SMCO4: variants seen among roughly 807,000 people sequenced by gnomAD.
SMCO4 encodes single-pass membrane and coiled-coil domain-containing protein 4.
A neutral mutation model predicts 3.6 loss-of-function variants in SMCO4; 4 were observed. That is an observed-to-expected ratio of 1.11 (90% confidence interval 0.54 to 2.53). The LOEUF is 2.53. SMCO4 is among the 30% of genes most tolerant of loss of function. SMCO4 has a pLI of 0.02. For missense variants in SMCO4, 70 were observed against 80.8 expected (o/e 0.87, Z 0.51); for synonymous variants, 36 against 35.3 (o/e 1.02, Z -0.07).
At chr11:93,517,234 C>T (rs950461323) in intron 1 of SMCO4, among the ~76,000 whole-genome samples, 1 of 152,168 alleles carries the variant, frequency 6.6e-6, no homozygotes, top group African/African-American at 2.4e-5. Flanking sequence ...AATGAGACCA[C>T]CCAAGCATGA....
Position 93,478,855 on chromosome 11 carries a change from G to A in SMCO4, c.*155C>T, listed in dbSNP as rs1565369833. ...CCCTATTCCCTCCCAAGAAAGCGGAGATACTTTAATCAAGTCAAAGACCAG... is the reference window on the plus strand; with the variant it reads ...CCCTATTCCCTCCCAAGAAAGCGGAAATACTTTAATCAAGTCAAAGACCAG... On this transcript the variant is annotated 3_prime_UTR_variant, in exon 3 of 3. Coordinates refer to ENST00000298966, the MANE Select transcript of SMCO4 (RefSeq NM_020179.3). The A allele has an allele frequency of 7.0e-7, 1 of 1,425,276 alleles. No homozygotes were observed. The highest frequency in any genetic ancestry group is 9.2e-7 in the Non-Finnish European group (1 of 1,092,240). The allele number at this position is 1,425,276 out of a possible 1,614,324, so 88.3% of individuals were successfully genotyped here.
chr11:93,516,099 G>A (rs920795438), intron 1 of SMCO4, among the ~76,000 whole-genome samples: 2 of 151,996 alleles, frequency 1.3e-5, no homozygotes, highest in African/African-American at 2.4e-5. Flanking sequence ...GAGGCATTCC[G>A]GTTCTCATAA....
intron 1 of SMCO4, among the ~76,000 whole-genome samples, chr11:93,535,160 G>T (rs1203066363): frequency 1.3e-5 from 2 of 152,126 alleles, no homozygotes; most frequent in Non-Finnish European, 2.9e-5. Flanking sequence ...AAGGTTTGGA[G>T]AAATACTCTG....
At chr11:93,493,490 C>T (rs1180411887) in intron 2 of SMCO4, among the ~76,000 whole-genome samples, 2 of 152,284 alleles carry the variant, frequency 1.3e-5, no homozygotes, top group South Asian at 2.1e-4. Flanking sequence ...AGACACTGCA[C>T]GCATACCCAT....
intron 1 of SMCO4, among the ~76,000 whole-genome samples, chr11:93,525,057 C>T (rs2134625044): frequency 6.6e-6 from 1 of 152,268 alleles, no homozygotes; most frequent in East Asian, 1.9e-4. Flanking sequence ...CACAATGGGC[C>T]AAGGAGCCAC....
In SMCO4 at chr11:93,479,055, G is replaced by A. The variant is rs972412916; in HGVS notation, c.135C>T (p.Ile45=). The change falls in exon 3 of 3, where the codon ATC becomes ATT. Residue 45 remains isoleucine (I), a synonymous_variant. Transcript: ENST00000298966. The part of the protein sequence containing the change: ...LPTLAVVVLL[I]VVFVYVATRP... ...GCGTGGCCACGTACACAAACACCAC[G>A]ATCAAGAGCACGACCACGGCCAGCG... is the stretch of plus-strand genomic sequence containing the variant. The A allele has an allele frequency of 5.6e-6, 9 of 1,613,076 alleles. No individual in the cohort carries two copies. The highest frequency in any genetic ancestry group is 2.7e-5 in the African/African-American group (2 of 74,900).
At chr11:93,527,270 G>C (rs898987770) in intron 1 of SMCO4, among the ~76,000 whole-genome samples, 1 of 152,158 alleles carries the variant, frequency 6.6e-6, no homozygotes, top group African/African-American at 2.4e-5. Flanking sequence ...AGGAACCTGG[G>C]ACCTTTCTGA....
the SMCO4 span, among the ~76,000 whole-genome samples, chr11:93,553,363 A>C: frequency 2.6e-5 from 4 of 152,206 alleles, no homozygotes; most frequent in Non-Finnish European, 5.9e-5. Flanking sequence ...GATTAGAAAC[A>C]ATTGATCCCA....
At position 93,482,047 on chromosome 11, in the gene SMCO4, C is replaced by A. The variant is rs114269694; in HGVS notation, c.-80-2778G>T. On this transcript the variant is annotated intron_variant, in intron 2 of 2. Transcript: ENST00000298966. ...AGATGCATTCAGAAGTTCCTGGAGG[C>A]ATGGAAAAAAGCCTCAAGCTGCTGG... is the stretch of plus-strand genomic sequence containing the variant. Among the ~76,000 whole-genome samples, 985 of 152,372 alleles carry A rather than the reference C, an allele frequency of 6.5e-3. 13 individuals carry two copies. Among genetic ancestry groups the A allele is most frequent in the African/African-American group, 0.023 (940 of 41,596 alleles).
intron 1 of SMCO4, among the ~76,000 whole-genome samples, chr11:93,510,395 C>T (rs1948946466): frequency 6.6e-6 from 1 of 152,182 alleles, no homozygotes; most frequent in African/African-American, 2.4e-5. Context: ...CTGCCCTTGA[C>T]CAACCAAGGC....
chr11:93,519,463 C>T (rs1949038381), intron 1 of SMCO4, among the ~76,000 whole-genome samples: 1 of 152,196 alleles, frequency 6.6e-6, no homozygotes, highest in East Asian at 1.9e-4. Flanking sequence ...CTGAAAACAA[C>T]TCAATTAATT....
At chr11:93,526,709 G>A (rs993484937) in intron 1 of SMCO4, among the ~76,000 whole-genome samples, 1 of 152,102 alleles carries the variant, frequency 6.6e-6, no homozygotes, top group African/African-American at 2.4e-5. Flanking sequence ...TGAGAGCCCT[G>A]TGGTTTCCTC....
Position 93,543,362 on chromosome 11 carries a change from T to A in SMCO4, c.-240A>T, listed in dbSNP as rs911397282. 13 of 151,168 alleles carry A rather than the reference T, an allele frequency of 8.6e-5. No homozygotes were observed. The highest frequency in any genetic ancestry group is 3.2e-4 in the African/African-American group (13 of 40,908). The allele number at this position is 151,168 out of a possible 1,614,324, so 9.4% of individuals were successfully genotyped here. A position where few individuals can be genotyped will look rare whatever the true frequency, so the allele number is the denominator to read the frequency against. On this transcript the variant is annotated 5_prime_UTR_variant, in exon 1 of 3. Coordinates refer to ENST00000298966, the MANE Select transcript of SMCO4 (RefSeq NM_020179.3). ...CGCCGCTTGCGCTCCCCGCCTCGCC[T>A]CTCCTCTCGGCGCCCGCGCGGGCGA...
intron 2 of SMCO4, among the ~76,000 whole-genome samples, chr11:93,484,725 A>G (rs1177524663): frequency 6.6e-6 from 1 of 150,900 alleles, no homozygotes; most frequent in Non-Finnish European, 1.5e-5. Context: ...CCCATGCATG[A>G]CAAAATCCCC....
intron 1 of SMCO4, 81 bp downstream of exon 1, chr11:93,543,195 G>A (rs1198492635): frequency 7.9e-6 from 1 of 126,068 alleles, no homozygotes; most frequent in African/African-American, 2.6e-5. Context: ...CCCCCGCCCG[G>A]TGCCCGGTGC....
chr11:93,493,735 C>T (rs1251898566), intron 2 of SMCO4, among the ~76,000 whole-genome samples: 2 of 152,192 alleles, frequency 1.3e-5, no homozygotes, highest in Admixed American at 6.5e-5. Flanking sequence ...CCTCTGACAT[C>T]GCATCATGCA....
At chr11:93,535,452 G>C (rs529101614) in intron 1 of SMCO4, 17 of 1,356,202 alleles carry the variant, frequency 1.3e-5, no homozygotes, top group Admixed American at 1.8e-5. Flanking sequence ...AGAGGGAGTC[G>C]AGCCAGAGTC....
rs193235103 is a variant in SMCO4, at chr11:93,522,847, C to T, written c.-154+20429G>A. 1.5e-4 allele frequency among the ~76,000 whole-genome samples: 23 copies of T among 152,324 alleles called. No individual in the cohort carries two copies. In the East Asian group the frequency reaches 4.4e-3, roughly 29 times the overall value. On this transcript the variant is annotated intron_variant, in intron 1 of 2. Transcript: ENST00000298966. ...ATAACACATAAAGACTTAAAAACCA[C>T]TACCACCACACTGAGGACAAGAATC...
chr11:93,546,448 C>T (rs996635692), upstream of SMCO4, among the ~76,000 whole-genome samples: 4 of 152,218 alleles, frequency 2.6e-5, no homozygotes, highest in Non-Finnish European at 4.4e-5. Context: ...GTGTTTATCT[C>T]TCCCACTTGA....
Sources: allele counts gnomAD v4.1 joint callset (sites outside exome capture counted in the v4.1 genomes callset), GRCh38; gene constraint gnomAD v4.1.1; transcripts MANE v1.5; gene names NCBI Gene and HGNC (gene_info 2026-07-23, HGNC 2026-07-21).